Variants in EPHA5 observed in about 807,000 individuals in gnomAD.
EPHA5 encodes EPH receptor A5.
Under a neutral mutation model 105.0 loss-of-function variants are expected in EPHA5, and 60 were observed. The observed-to-expected ratio is 0.57, with a 90% CI of 0.46 to 0.71. The LOEUF is 0.71. EPHA5 is among the 30% of genes least tolerant of loss of function. The pLI, the probability that EPHA5 is intolerant of heterozygous loss-of-function variation, is 0.00. For missense variants in EPHA5, 1,218 were observed against 1,274.7 expected, an observed-to-expected ratio of 0.96 and a Z score of 0.68; for synonymous variants, 513 against 449.1, an observed-to-expected ratio of 1.14 and a Z score of -1.80.
At chr4:65,605,701 T>A (rs1007544747) in intron 2 of EPHA5, among the ~76,000 whole-genome samples, 2 of 152,058 alleles carry the variant, frequency 1.3e-5, no homozygotes, top group Non-Finnish European at 1.5e-5. Context: ...TAAGAAACTT[T>A]GGAGTAGACA....
At chr4:65,399,729 A>G (rs1721623043) in intron 8 of EPHA5, among the ~76,000 whole-genome samples, 1 of 152,228 alleles carries the variant, frequency 6.6e-6, no homozygotes, top group Non-Finnish European at 1.5e-5. Flanking sequence ...GTGTATGTGG[A>G]CTTAATTTAA....
At chr4:65,640,164 C>T (rs1208551908) in intron 2 of EPHA5, among the ~76,000 whole-genome samples, 1 of 152,094 alleles carries the variant, frequency 6.6e-6, no homozygotes, top group East Asian at 1.9e-4. Context: ...TTAGATTCTC[C>T]CCCACTCTGC....
rs1719700019 is a variant in EPHA5, at chr4:65,322,319, C to A, written c.*1795G>T. ...AGTAGTTATTTCCCAAAAGTTTATT[C>A]TTATATGTGCTAATATTCAAATAAA... On this transcript the variant is annotated 3_prime_UTR_variant, in exon 17 of 17. Transcript: ENST00000613740. 1 of 223,968 alleles carries A rather than the reference C, an allele frequency of 4.5e-6. No individual in the cohort carries two copies. The allele number at this position is 223,968 out of a possible 1,614,324, so 13.9% of individuals were successfully genotyped here. A position where few individuals can be genotyped will look rare whatever the true frequency, so the allele number is the denominator to read the frequency against.
At chr4:65,358,601 C>T (rs1007720306) in intron 11 of EPHA5, among the ~76,000 whole-genome samples, 2 of 151,380 alleles carry the variant, frequency 1.3e-5, no homozygotes, top group Admixed American at 6.6e-5. Context: ...ATAGGTAATG[C>T]TTATTAAAAG....
intron 15 of EPHA5, among the ~76,000 whole-genome samples, chr4:65,335,325 G>A (rs1459394918): frequency 6.6e-6 from 1 of 151,954 alleles, no homozygotes; most frequent in East Asian, 1.9e-4. Flanking sequence ...ATGCATTCAT[G>A]TGCTATTCAG....
At chr4:65,477,609 T>A (rs1474137570) in intron 5 of EPHA5, among the ~76,000 whole-genome samples, 1 of 151,996 alleles carries the variant, frequency 6.6e-6, no homozygotes. Flanking sequence ...GTCAGGGGTT[T>A]CACCATCTTT....
chr4:65,339,888 G>A (rs773562109), intron 14 of EPHA5, among the ~76,000 whole-genome samples: 3 of 152,152 alleles, frequency 2.0e-5, no homozygotes, highest in Admixed American at 1.3e-4. Context: ...GGGAGAACCC[G>A]CATGGTCCAC....
chr4:65,440,655 T>C (rs554855660), intron 5 of EPHA5, among the ~76,000 whole-genome samples: 1 of 152,102 alleles, frequency 6.6e-6, no homozygotes, highest in Non-Finnish European at 1.5e-5. Context: ...CTAGTAATCA[T>C]AAGCAATTCA....
chr4:65,629,111 A>C (rs1233648140), intron 2 of EPHA5, among the ~76,000 whole-genome samples: 3 of 152,194 alleles, frequency 2.0e-5, no homozygotes, highest in Admixed American at 2.0e-4. Context: ...GGAAGTGTTA[A>C]AATAACATAA....
At chr4:65,532,720 CTCTG>C (rs915794628) in intron 3 of EPHA5, among the ~76,000 whole-genome samples, 2 of 130,980 alleles carry the variant, frequency 1.5e-5, no homozygotes, top group African/African-American at 5.8e-5. Context: ...TTTTTATACT[CTCTG>C]TCTAATAAAT....
intron 11 of EPHA5, among the ~76,000 whole-genome samples, chr4:65,360,474 C>T (rs1205869338): frequency 2.0e-5 from 3 of 151,526 alleles, no homozygotes; most frequent in Non-Finnish European, 3.0e-5. Flanking sequence ...GACATTATTC[C>T]CATGCTAGTT....
chr4:65,324,780 A>G (rs1719920497), intron 16 of EPHA5, among the ~76,000 whole-genome samples: 1 of 144,976 alleles, frequency 6.9e-6, no homozygotes, highest in Non-Finnish European at 1.5e-5. Flanking sequence ...TGAAAGTACC[A>G]GAATTTTTTT....
Position 65,352,957 on chromosome 4 carries a change from T to G in EPHA5, c.2235+85A>C, listed in dbSNP as rs528319600. 9.8e-6 allele frequency: 9 copies of G among 913,884 alleles called. No homozygotes were observed. In the African/African-American group the frequency reaches 1.6e-4, roughly 16 times the overall value. 56.6% of individuals were successfully genotyped at this position (913,884 alleles called of 1,614,324 possible). On this transcript the variant is annotated intron_variant, in intron 12 of 16. Transcript: ENST00000613740. The stretch of plus-strand genomic sequence containing the variant: ...AGCTTTAAAGTGGCCCAAATTCAAC[T>G]TCAACATCACAGCATCATCATCACA...
intron 8 of EPHA5, among the ~76,000 whole-genome samples, chr4:65,402,544 T>C (rs977449346): frequency 6.6e-6 from 1 of 152,168 alleles, no homozygotes; most frequent in African/African-American, 2.4e-5. Context: ...TTAATAAATT[T>C]TCAAAAACAC....
intron 5 of EPHA5, among the ~76,000 whole-genome samples, chr4:65,489,068 T>C (rs1560598011): frequency 6.6e-6 from 1 of 151,824 alleles, no homozygotes; most frequent in Non-Finnish European, 1.5e-5. Flanking sequence ...TTTATTATTA[T>C]TTTTATTTTT....
At chr4:65,366,881 T>C (rs1676647428) in intron 9 of EPHA5, among the ~76,000 whole-genome samples, 1 of 151,946 alleles carries the variant, frequency 6.6e-6, no homozygotes, top group South Asian at 2.1e-4. Context: ...TCTGCATTAT[T>C]TTTTAAAGCA....
chr4:65,443,944 C>T lies in EPHA5; in HGVS notation c.1403-23379G>A, dbSNP rs566598537. On this transcript the variant is annotated intron_variant, in intron 5 of 16. Coordinates refer to ENST00000613740, the MANE Select transcript of EPHA5 (RefSeq NM_001281766.3). ...GTGTGTGTGTGCGTGCACGTGTGCACGCGCACATGCGCACTGGGGGTACAC... is the reference window on the plus strand; with the variant it reads ...GTGTGTGTGTGCGTGCACGTGTGCATGCGCACATGCGCACTGGGGGTACAC... Among the ~76,000 whole-genome samples, 30 of 151,132 alleles carry T rather than the reference C, an allele frequency of 2.0e-4. No individual in the cohort carries two copies. The East Asian group carries it at 4.1e-3, about 21-fold the overall frequency.
At chr4:65,550,025 T>C (rs961237391) in intron 3 of EPHA5, among the ~76,000 whole-genome samples, 1 of 152,090 alleles carries the variant, frequency 6.6e-6, no homozygotes, top group African/African-American at 2.4e-5. Context: ...CTTTTGTAAA[T>C]GACATCATGT....
intron 3 of EPHA5, among the ~76,000 whole-genome samples, chr4:65,582,796 G>A (rs1178875290): frequency 1.3e-5 from 2 of 151,620 alleles, no homozygotes; most frequent in Admixed American, 6.6e-5. Context: ...TCAAAAGTCT[G>A]CAAAGGTATA....
Sources: allele counts gnomAD v4.1 joint callset (sites outside exome capture counted in the v4.1 genomes callset), GRCh38; gene constraint gnomAD v4.1.1; transcripts MANE v1.5; gene names NCBI Gene and HGNC (gene_info 2026-07-23, HGNC 2026-07-21).